The following PDE4D variants were observed in gnomAD, a reference collection of about 807,000 sequenced individuals.
PDE4D encodes the protein phosphodiesterase 4D, also known as 3',5'-cyclic-AMP phosphodiesterase 4D.
Under a neutral mutation model 87.4 loss-of-function variants are expected in PDE4D, and 24 were observed. That is an observed-to-expected ratio of 0.27 (90% CI 0.20 to 0.39). The LOEUF is 0.39. Among genes scored for constraint, PDE4D ranks in the 10% least tolerant of loss-of-function variants. PDE4D has a pLI of 1.00. For synonymous variants in PDE4D, 384 were observed against 383.2 expected (o/e 1.00, Z -0.02); for missense variants, 714 against 1,041.0 (o/e 0.69, Z 4.32).
At chr5:60,323,392 T>C (rs1583421762) in intron 1 of PDE4D, among the ~76,000 whole-genome samples, 1 of 152,160 alleles carries the variant, frequency 6.6e-6, no homozygotes, top group East Asian at 1.9e-4. Context: ...GTATCAACCT[T>C]ACTCTTTTGT....
At chr5:59,741,429 AT>A (rs1758820280) in intron 1 of PDE4D, among the ~76,000 whole-genome samples, 1 of 152,202 alleles carries the variant, frequency 6.6e-6, no homozygotes, top group African/African-American at 2.4e-5. Context: ...AAAGAAAAAA[AT>A]CTAAAGGGTG....
intron 1 of PDE4D, among the ~76,000 whole-genome samples, chr5:59,492,866 C>T (rs1806467693): frequency 1.3e-5 from 2 of 152,102 alleles, no homozygotes; most frequent in South Asian, 4.1e-4. Flanking sequence ...AAGAGGAGTT[C>T]CCCTGCACAA....
At chr5:59,153,192 G>A (rs1779696247) in intron 5 of PDE4D, among the ~76,000 whole-genome samples, 1 of 152,114 alleles carries the variant, frequency 6.6e-6, no homozygotes, top group Admixed American at 6.6e-5. Context: ...GTGTTTCCAT[G>A]AGGCTGAATA....
chr5:59,383,111 A>C (rs1204458913), intron 1 of PDE4D, among the ~76,000 whole-genome samples: 1 of 152,190 alleles, frequency 6.6e-6, no homozygotes, highest in East Asian at 1.9e-4. Flanking sequence ...TGAAATATTA[A>C]TCATCTTCTA....
intron 3 of PDE4D, among the ~76,000 whole-genome samples, chr5:59,905,486 T>C (rs1752715700): frequency 6.6e-6 from 1 of 152,116 alleles, no homozygotes; most frequent in African/African-American, 2.4e-5. Flanking sequence ...TAAAAGTATG[T>C]CATTTATCAT....
rs183336608 is a variant in PDE4D at position 59,363,101 on chromosome 5, T to G, written c.456-147133A>C. Among the ~76,000 whole-genome samples, 3 of 152,304 alleles carry G rather than the reference T, an allele frequency of 2.0e-5. No individual in the cohort carries two copies. In the East Asian group the frequency reaches 5.8e-4, roughly 29 times the overall value. ...AATTCCTCATTTTACTATGATGATATCAACCACTTATTTGGTGTTTATTCT... is the reference window on the plus strand; with the variant it reads ...AATTCCTCATTTTACTATGATGATAGCAACCACTTATTTGGTGTTTATTCT... On this transcript the variant is annotated intron_variant, in intron 1 of 14. Transcript: ENST00000340635.
intron 1 of PDE4D, among the ~76,000 whole-genome samples, chr5:59,543,721 G>A (rs1363556275): frequency 2.6e-5 from 4 of 151,844 alleles, no homozygotes; most frequent in Admixed American, 1.3e-4. Context: ...ATGGAAGAGC[G>A]CCCACCCCTA....
At chr5:59,658,952 A>G in intron 1 of PDE4D, among the ~76,000 whole-genome samples, 1 of 152,092 alleles carries the variant, frequency 6.6e-6, no homozygotes, top group Non-Finnish European at 1.5e-5. Context: ...ACGGTGAGCT[A>G]TGACTGCACC....
At chr5:60,336,070 C>T (rs560230578) in intron 1 of PDE4D, among the ~76,000 whole-genome samples, 8 of 152,264 alleles carry the variant, frequency 5.3e-5, no homozygotes, top group African/African-American at 1.7e-4. Flanking sequence ...GAATTCCAGA[C>T]ACAACTGCTA....
intron 1 of PDE4D, among the ~76,000 whole-genome samples, chr5:60,242,378 A>G (rs556781931): frequency 6.6e-6 from 1 of 152,266 alleles, no homozygotes; most frequent in African/African-American, 2.4e-5. Context: ...TAACAGCTGG[A>G]GAGTTCAACA....
intron 1 of PDE4D, among the ~76,000 whole-genome samples, chr5:60,239,970 C>G (rs541041721): frequency 4.6e-5 from 7 of 152,166 alleles, no homozygotes; most frequent in African/African-American, 1.7e-4. Context: ...ATAAGCAGAA[C>G]CCGAAGTCAT....
intron 1 of PDE4D, among the ~76,000 whole-genome samples, chr5:60,298,796 G>A (rs1383635291): frequency 1.3e-5 from 2 of 152,046 alleles, no homozygotes; most frequent in African/African-American, 4.8e-5. Context: ...GCAAATCAGT[G>A]GCATAAAAGA....
At chr5:60,457,419 C>A (rs912635426) in intron 1 of PDE4D, among the ~76,000 whole-genome samples, 1 of 152,150 alleles carries the variant, frequency 6.6e-6, no homozygotes, top group African/African-American at 2.4e-5. Context: ...TTCCTTCCTT[C>A]TCTGCTTCCT....
chr5:59,764,257 G>A (rs1448022065), intron 1 of PDE4D, among the ~76,000 whole-genome samples: 1 of 152,152 alleles, frequency 6.6e-6, no homozygotes, highest in Non-Finnish European at 1.5e-5. Flanking sequence ...AATGGGCACA[G>A]AGTACATAAT....
chr5:60,284,162 A>G (rs1024152374), intron 1 of PDE4D, among the ~76,000 whole-genome samples: 1 of 152,134 alleles, frequency 6.6e-6, no homozygotes, highest in Non-Finnish European at 1.5e-5. Flanking sequence ...TTATTTTTAC[A>G]CCTATTTAGC....
intron 1 of PDE4D, among the ~76,000 whole-genome samples, chr5:59,456,785 C>A (rs2153644242): frequency 6.6e-6 from 1 of 152,118 alleles, no homozygotes; most frequent in South Asian, 2.1e-4. Context: ...AAGTTGATTC[C>A]AACCCTCATG....
chr5:59,061,749 G>C (rs7730070), intron 5 of PDE4D, among the ~76,000 whole-genome samples: 100,619 of 151,894 alleles, frequency 0.66, 33,504 homozygotes, highest in East Asian at 0.88. Flanking sequence ...GCTCAAACTC[G>C]TTTTGGGAAA....
chr5:59,196,999 A>G (rs188271910), intron 2 of PDE4D, among the ~76,000 whole-genome samples: 53 of 152,200 alleles, frequency 3.5e-4, no homozygotes, highest in African/African-American at 1.0e-3. Flanking sequence ...ATAATATGAC[A>G]TCTTCTTATT....
At chr5:60,383,212 T>C (rs1210069014) in intron 1 of PDE4D, among the ~76,000 whole-genome samples, 1 of 152,170 alleles carries the variant, frequency 6.6e-6, no homozygotes, top group African/African-American at 2.4e-5. Context: ...CAATTATTTT[T>C]CTGTAAAAGG....
Sources: allele counts gnomAD v4.1 joint callset (sites outside exome capture counted in the v4.1 genomes callset), GRCh38; gene constraint gnomAD v4.1.1; transcripts MANE v1.5; gene names NCBI Gene and HGNC (gene_info 2026-07-23, HGNC 2026-07-21).